Variants in MCTP1 observed in about 807,000 individuals in gnomAD.
MCTP1 encodes the protein multiple C2 and transmembrane domain containing 1, also known as multiple C2 and transmembrane domain-containing protein 1.
In MCTP1, 69 loss-of-function variants were observed where a neutral mutation model predicts 120.6. The ratio of observed to expected loss-of-function variants is 0.57; its 90% CI spans 0.47 to 0.70. The LOEUF (loss-of-function observed/expected upper bound fraction) is 0.70. MCTP1 is among the 30% of genes least tolerant of loss of function. MCTP1 has a pLI of 0.00. For synonymous variants in MCTP1, 529 were observed against 493.1 expected (o/e 1.07, Z -0.96); for missense variants, 1,203 against 1,248.8 (o/e 0.96, Z 0.55).
intron 1 of MCTP1, chr5:95,038,158 C>A: frequency 1.0e-6 from 1 of 980,798 alleles, no homozygotes; most frequent in Non-Finnish European, 1.2e-6. Context: ...CTCAGTTGTG[C>A]GAATAGCAAG....
chr5:95,194,811 T>C (rs1280362594), intron 1 of MCTP1, among the ~76,000 whole-genome samples: 19 of 152,136 alleles, frequency 1.2e-4, no homozygotes, highest in Non-Finnish European at 1.2e-4. Flanking sequence ...CAATGGAACC[T>C]TCCAAACACA....
intron 1 of MCTP1, among the ~76,000 whole-genome samples, chr5:95,054,956 C>T (rs1454602164): frequency 7.2e-5 from 11 of 152,044 alleles, no homozygotes; most frequent in South Asian, 4.1e-4. Flanking sequence ...CACAGGTATA[C>T]GCCACCACAC....
At chr5:95,248,518 G>C (rs1179345882) in intron 1 of MCTP1, among the ~76,000 whole-genome samples, 1 of 152,154 alleles carries the variant, frequency 6.6e-6, no homozygotes, top group Non-Finnish European at 1.5e-5. Flanking sequence ...TGAAATAAAA[G>C]AGGACACAAG....
intron 9 of MCTP1, among the ~76,000 whole-genome samples, chr5:94,911,797 T>A (rs1276870052): frequency 6.6e-6 from 1 of 152,160 alleles, no homozygotes; most frequent in Non-Finnish European, 1.5e-5. Context: ...TTTAATACAT[T>A]ATTACTACTA....
intron 19 of MCTP1, among the ~76,000 whole-genome samples, chr5:94,744,109 T>C (rs1285270234): frequency 6.6e-6 from 1 of 152,092 alleles, no homozygotes; most frequent in African/African-American, 2.4e-5. Flanking sequence ...TAGCTGGAAC[T>C]ACAGATGCAC....
At chr5:94,863,174 T>G (rs1243280889) in intron 17 of MCTP1, among the ~76,000 whole-genome samples, 1 of 151,772 alleles carries the variant, frequency 6.6e-6, no homozygotes, top group Non-Finnish European at 1.5e-5. Context: ...ATTTACAAAA[T>G]TTTAGGGAAA....
chr5:94,811,993 A>G (rs1033056010), intron 17 of MCTP1, among the ~76,000 whole-genome samples: 15 of 152,160 alleles, frequency 9.9e-5, no homozygotes, highest in Non-Finnish European at 1.8e-4. Flanking sequence ...ACCTGTCAGG[A>G]GTGGACATAT....
At chr5:94,985,504 A>C (rs1830281785) in intron 2 of MCTP1, among the ~76,000 whole-genome samples, 1 of 152,198 alleles carries the variant, frequency 6.6e-6, no homozygotes, top group South Asian at 2.1e-4. Context: ...TGCCACCATT[A>C]AATTATCACA....
chr5:94,953,830 CATAT>C (rs527767764), intron 2 of MCTP1, among the ~76,000 whole-genome samples: 581 of 40,806 alleles, frequency 0.014, 75 homozygotes, highest in African/African-American at 0.11. Context: ...TATATATATA[CATAT>C]ATATATATAC....
At chr5:95,210,463 T>G (rs1752212071) in intron 1 of MCTP1, among the ~76,000 whole-genome samples, 2 of 150,572 alleles carry the variant, frequency 1.3e-5, no homozygotes, top group South Asian at 4.3e-4. Context: ...TTTGTTGGTT[T>G]AAAGTCTGTT....
intron 17 of MCTP1, among the ~76,000 whole-genome samples, chr5:94,862,277 G>A (rs1219899793): frequency 1.3e-5 from 2 of 151,744 alleles, no homozygotes; most frequent in African/African-American, 2.4e-5. Context: ...TCTTCTTCTT[G>A]TAAATATGAA....
At chr5:95,042,689 G>C (rs1329135650) in intron 1 of MCTP1, among the ~76,000 whole-genome samples, 2 of 152,144 alleles carry the variant, frequency 1.3e-5, no homozygotes, top group Non-Finnish European at 2.9e-5. Flanking sequence ...ACCATTAACA[G>C]GCACATACCC....
At chr5:95,125,908 T>G (rs1758587959) in intron 1 of MCTP1, among the ~76,000 whole-genome samples, 1 of 152,228 alleles carries the variant, frequency 6.6e-6, no homozygotes, top group Non-Finnish European at 1.5e-5. Flanking sequence ...CAAGACCTTC[T>G]TCAACTTCTC....
At chr5:94,849,269 A>C (rs576582414) in intron 17 of MCTP1, among the ~76,000 whole-genome samples, 10 of 152,304 alleles carry the variant, frequency 6.6e-5, no homozygotes, top group African/African-American at 2.4e-4. Flanking sequence ...ATAATAAAAT[A>C]TAAACTTTTT....
chr5:95,235,258 A>G (rs1432096247), intron 1 of MCTP1, among the ~76,000 whole-genome samples: 2 of 151,910 alleles, frequency 1.3e-5, no homozygotes, highest in South Asian at 2.1e-4. Flanking sequence ...TTGACAAAAA[A>G]TCAGCATTTA....
Position 94,790,510 on chromosome 5 carries a change from T to C in MCTP1, c.2556+8503A>G, listed in dbSNP as rs13436665. Among the ~76,000 whole-genome samples the C allele has an allele frequency of 6.3e-3, 957 of 152,246 alleles. 7 individuals are homozygous for C. Among genetic ancestry groups the C allele is most frequent in the African/African-American group, 0.022 (924 of 41,536 alleles). On this transcript the variant is annotated intron_variant, in intron 18 of 22. Transcript: ENST00000515393. ...GCAGCTGTGGGGTGTGTTGGGTTAA[T>C]AGGATGAGAAGCAAGTGGGCTGCAG...
At chr5:95,200,115 C>T in intron 1 of MCTP1, among the ~76,000 whole-genome samples, 1 of 146,142 alleles carries the variant, frequency 6.8e-6, no homozygotes, top group Admixed American at 6.8e-5. Context: ...GAGCCGAGAT[C>T]GTGCCACTGC....
At chr5:95,261,337 T>C (rs896111450) in intron 1 of MCTP1, among the ~76,000 whole-genome samples, 1 of 152,212 alleles carries the variant, frequency 6.6e-6, no homozygotes, top group Non-Finnish European at 1.5e-5. Context: ...TTTATAATAA[T>C]TTTCTGCAGC....
chr5:94,890,929 G>T (rs1454259791), intron 11 of MCTP1, among the ~76,000 whole-genome samples: 1 of 152,094 alleles, frequency 6.6e-6, no homozygotes, highest in Non-Finnish European at 1.5e-5. Flanking sequence ...CATAACCAGA[G>T]AACGTAACAT....
Sources: allele counts gnomAD v4.1 joint callset (sites outside exome capture counted in the v4.1 genomes callset), GRCh38; gene constraint gnomAD v4.1.1; transcripts MANE v1.5; gene names NCBI Gene and HGNC (gene_info 2026-07-23, HGNC 2026-07-21).